LGR5: variants seen among roughly 807,000 people sequenced by gnomAD.
The protein encoded by LGR5 is leucine-rich repeat-containing G protein-coupled receptor 5.
A neutral mutation model predicts 76.7 loss-of-function variants in LGR5; 54 were observed. That is an observed-to-expected ratio of 0.70 (90% CI 0.57 to 0.88). The LOEUF (loss-of-function observed/expected upper bound fraction) is 0.88. LGR5 is among the 40% of genes least tolerant of loss of function. LGR5 has a pLI of 0.00. For synonymous variants in LGR5, 406 were observed against 421.9 expected (o/e 0.96, Z 0.46); for missense variants, 1,078 against 1,073.3 (o/e 1.00, Z -0.06).
intron 11 of LGR5, 120 bp from the exon 12 acceptor site, chr12:71,571,393 GA>G: frequency 1.6e-6 from 1 of 626,152 alleles, no homozygotes; most frequent in Non-Finnish European, 2.7e-6. Flanking sequence ...TCAGGGCTAT[GA>G]AAATGTTCAG....
At chr12:71,474,217 A>G (rs1226833390) in intron 1 of LGR5, among the ~76,000 whole-genome samples, 2 of 152,170 alleles carry the variant, frequency 1.3e-5, no homozygotes, top group Non-Finnish European at 2.9e-5. Flanking sequence ...AAAAAACAGC[A>G]AAGGATAAAC....
At chr12:71,463,381 G>C (rs1379335846) in intron 1 of LGR5, among the ~76,000 whole-genome samples, 1 of 152,162 alleles carries the variant, frequency 6.6e-6, no homozygotes, top group African/African-American at 2.4e-5. Context: ...GTTTACTTAG[G>C]CTTTAGCATT....
intron 1 of LGR5, among the ~76,000 whole-genome samples, chr12:71,465,850 C>A (rs576419123): frequency 1.3e-5 from 2 of 152,318 alleles, no homozygotes; most frequent in African/African-American, 4.8e-5. Flanking sequence ...CCTAACCACT[C>A]AGAAAAGTCT....
At chr12:71,556,795 C>T in intron 6 of LGR5, 105 bp downstream of exon 6, 1 of 859,522 alleles carries the variant, frequency 1.2e-6, no homozygotes, top group Non-Finnish European at 2.0e-6. Flanking sequence ...GGTTAATTGC[C>T]TAAGCTTTCA....
In LGR5 at chr12:71,584,267, A is replaced by G; in HGVS notation, c.2257A>G (p.Lys753Glu). ...CACCAAGCTCTACTGCAATTTGGAC[A>G]AGGGAGACCTGGAGAATATTTGGGA... Reference protein sequence around the residue: ...AYTKLYCNLDKGDLENIWDCS... With the variant: ...AYTKLYCNLDEGDLENIWDCS... Residue 753 changes from lysine (K) to glutamate (E), a missense_variant, in exon 18 of 18, where the codon AAG becomes GAG. Transcript: ENST00000266674. The G allele has an allele frequency of 6.2e-7, 1 of 1,614,192 alleles. No individual in the cohort carries two copies. The highest frequency in any genetic ancestry group is 8.5e-7 in the Non-Finnish European group (1 of 1,180,016).
chr12:71,537,252 T>G (rs1042645885), intron 4 of LGR5, among the ~76,000 whole-genome samples: 1 of 151,522 alleles, frequency 6.6e-6, no homozygotes, highest in African/African-American at 2.4e-5. Context: ...GCCAGGAGTT[T>G]GAGATCAGCT....
chr12:71,439,133 C>T (rs1370002854), upstream of LGR5, among the ~76,000 whole-genome samples: 1 of 152,100 alleles, frequency 6.6e-6, no homozygotes, highest in Admixed American at 6.5e-5. Context: ...TGAGTCACTT[C>T]GACTTCCTCA....
intron 1 of LGR5, among the ~76,000 whole-genome samples, chr12:71,449,795 C>T (rs1212460042): frequency 6.6e-6 from 1 of 152,180 alleles, no homozygotes; most frequent in Non-Finnish European, 1.5e-5. Context: ...TACCTAACTA[C>T]ATTTAGAGTA....
intron 6 of LGR5, 107 bp from the exon 7 acceptor site, chr12:71,559,479 C>T: frequency 1.6e-6 from 1 of 621,896 alleles, no homozygotes; most frequent in East Asian, 2.9e-5. Context: ...GTGAGAACTT[C>T]CATTAGTCAT....
intron 1 of LGR5, among the ~76,000 whole-genome samples, chr12:71,461,590 C>A (rs1397524185): frequency 1.3e-5 from 2 of 152,098 alleles, no homozygotes; most frequent in Admixed American, 1.3e-4. Flanking sequence ...CTTCAAAAAG[C>A]AAAGGGTCTT....
At chr12:71,576,149 A>G (rs1878845640) in intron 13 of LGR5, among the ~76,000 whole-genome samples, 1 of 152,194 alleles carries the variant, frequency 6.6e-6, no homozygotes, top group South Asian at 2.1e-4. Flanking sequence ...CTTAATACCT[A>G]GGTGATGGGT....
chr12:71,516,847 A>G (rs1875468126), intron 2 of LGR5, among the ~76,000 whole-genome samples: 1 of 152,164 alleles, frequency 6.6e-6, no homozygotes, highest in African/African-American at 2.4e-5. Context: ...GTGGGACAAT[A>G]TGAGTCACAT....
intron 1 of LGR5, among the ~76,000 whole-genome samples, chr12:71,452,405 C>A (rs1872285756): frequency 6.6e-6 from 1 of 152,234 alleles, no homozygotes; most frequent in Admixed American, 6.5e-5. Flanking sequence ...GGAGGGCACT[C>A]TTCTGTTCCC....
At chr12:71,572,470 T>G (rs548305600) in intron 12 of LGR5, among the ~76,000 whole-genome samples, 1 of 152,280 alleles carries the variant, frequency 6.6e-6, no homozygotes, top group East Asian at 1.9e-4. Context: ...TCTCAATGCC[T>G]TTGGGTGCTT....
chr12:71,468,373 G>A (rs1406624850), intron 1 of LGR5, among the ~76,000 whole-genome samples: 1 of 152,138 alleles, frequency 6.6e-6, no homozygotes, highest in African/African-American at 2.4e-5. Context: ...AAAATGTCTT[G>A]TTTGAGGCAC....
At chr12:71,469,462 G>A (rs1475201462) in intron 1 of LGR5, among the ~76,000 whole-genome samples, 1 of 152,220 alleles carries the variant, frequency 6.6e-6, no homozygotes, top group Non-Finnish European at 1.5e-5. Flanking sequence ...CTGCCTCCGC[G>A]TGGGCGCTGG....
chr12:71,584,377 T>C lies in LGR5; in HGVS notation c.2367T>C (p.Ser789=), dbSNP rs1879230455. 1.9e-6 allele frequency: 3 copies of C among 1,614,228 alleles called. No individual in the cohort carries two copies. Among genetic ancestry groups the C allele is most frequent in the African/African-American group, 1.3e-5 (1 of 75,058 alleles). ...NCPVAFLSFS[S]LINLTFISPE... is the part of the protein sequence containing the mutation. The stretch of plus-strand genomic sequence containing the variant: ...CTGTGGCTTTCTTGTCCTTCTCCTC[T>C]TTAATAAACCTTACATTTATCAGTC... The change falls in exon 18 of 18, where the codon TCT becomes TCC. Residue 789 remains serine, a synonymous_variant. Transcript: ENST00000266674.
At chr12:71,499,072 C>T (rs1337062192) in intron 1 of LGR5, among the ~76,000 whole-genome samples, 1 of 152,098 alleles carries the variant, frequency 6.6e-6, no homozygotes, top group Non-Finnish European at 1.5e-5. Context: ...TCTGGTAGCA[C>T]TCAGTATCCT....
In LGR5 at chr12:71,490,969, C is replaced by T. The variant is rs117586021; in HGVS notation, c.213-13645C>T. ...TAAAACCCACATGTCATGAGAGGGA[C>T]CTGGTGGGAGGTAATTGAATGATGG... is the stretch of plus-strand genomic sequence containing the variant. On this transcript the variant is annotated intron_variant, in intron 1 of 17. Transcript: ENST00000266674. 5.7e-4 allele frequency among the ~76,000 whole-genome samples: 87 copies of T among 152,200 alleles called. No individual in the cohort carries two copies. In the East Asian group the frequency reaches 0.011, roughly 19 times the overall value.
Sources: allele counts gnomAD v4.1 joint callset (sites outside exome capture counted in the v4.1 genomes callset), GRCh38; gene constraint gnomAD v4.1.1; transcripts MANE v1.5; gene names NCBI Gene and HGNC (gene_info 2026-07-23, HGNC 2026-07-21).